CDH22: variants seen among roughly 807,000 people sequenced by gnomAD.
The protein encoded by CDH22 is cadherin 22.
A neutral mutation model predicts 58.4 loss-of-function variants in CDH22; 30 were observed. The observed-to-expected ratio is 0.51, with a 90% CI of 0.38 to 0.70. CDH22 has a LOEUF of 0.70. Among genes scored for constraint, CDH22 ranks in the 30% least tolerant of loss-of-function variants. The pLI is 0.00. For missense variants in CDH22, 1,014 were observed against 1,233.9 expected, an observed-to-expected ratio of 0.82 and a Z score of 2.67; for synonymous variants, 513 against 558.2, an observed-to-expected ratio of 0.92 and a Z score of 1.14.
At chr20:46,194,618 G>A (rs1178287086) in intron 8 of CDH22, among the ~76,000 whole-genome samples, 6 of 152,184 alleles carry the variant, frequency 3.9e-5, no homozygotes, top group East Asian at 1.9e-4. Flanking sequence ...AGGCACCTGC[G>A]CTAGGCACTT....
In CDH22 at chr20:46,251,161, G is replaced by A. The variant is rs1006550151; in HGVS notation, c.134C>T (p.Ser45Leu). Residue 45 changes from serine to leucine, a missense_variant, in exon 2 of 12, where the codon TCG becomes TTG. Coordinates refer to ENST00000537909, the MANE Select transcript of CDH22 (RefSeq NM_021248.3). This position sits in a 1 kb window ranked among gnomAD's most constrained non-coding sequence, Gnocchi z 6.7. ...RLWAAGTPSPSAPGARQDGAL... is the reference protein window; with the variant it reads ...RLWAAGTPSPLAPGARQDGAL... ...GCCGTCCTGCCGAGCTCCGGGCGCC[G>A]ACGGCGAGGGTGTGCCCGCTGCCCA... 1 of 1,586,458 alleles carries A rather than the reference G, an allele frequency of 6.3e-7. No homozygotes were observed. Among genetic ancestry groups the A allele is most frequent in the East Asian group, 2.4e-5 (1 of 41,262 alleles).
chr20:46,189,287 A>C (rs1190261767), intron 8 of CDH22, among the ~76,000 whole-genome samples: 2 of 152,188 alleles, frequency 1.3e-5, no homozygotes, highest in African/African-American at 4.8e-5. Context: ...GTGACTGGGA[A>C]TGCCGGGTGA....
At chr20:46,292,611 T>C (rs892124859) in intron 1 of CDH22, among the ~76,000 whole-genome samples, 5 of 152,182 alleles carry the variant, frequency 3.3e-5, no homozygotes, top group Non-Finnish European at 7.3e-5. Flanking sequence ...AAGTGGCATC[T>C]TGGGCAAGTC....
chr20:46,237,774 G>C (rs1040914460), intron 3 of CDH22, among the ~76,000 whole-genome samples: 1 of 152,124 alleles, frequency 6.6e-6, no homozygotes, highest in African/African-American at 2.4e-5. Flanking sequence ...CTCTCTGCAT[G>C]ACCTTGGATG....
chr20:46,201,093 C>A (rs896507513), intron 7 of CDH22, among the ~76,000 whole-genome samples: 1 of 152,250 alleles, frequency 6.6e-6, no homozygotes, highest in African/African-American at 2.4e-5. Context: ...CGGCGGCGGC[C>A]CAGAGAGGCC....
intron 3 of CDH22, among the ~76,000 whole-genome samples, chr20:46,231,506 A>G (rs2086220540): frequency 6.6e-6 from 1 of 152,146 alleles, no homozygotes; most frequent in African/African-American, 2.4e-5. Context: ...CCCTCACTGA[A>G]CTGATGAGGA....
chr20:46,199,135 A>G (rs1002008086), intron 8 of CDH22, among the ~76,000 whole-genome samples: 2 of 152,206 alleles, frequency 1.3e-5, no homozygotes, highest in African/African-American at 4.8e-5. Context: ...AAGAAAGCCT[A>G]GTTTGAGACC....
At chr20:46,200,217 G>A (rs532864970) in intron 7 of CDH22, among the ~76,000 whole-genome samples, 5 of 152,004 alleles carry the variant, frequency 3.3e-5, no homozygotes, top group Non-Finnish European at 5.9e-5. Context: ...CTCGTGATCT[G>A]CCCGCCTTGG....
At chr20:46,217,655 C>T (rs1017105407) in intron 4 of CDH22, among the ~76,000 whole-genome samples, 1 of 152,156 alleles carries the variant, frequency 6.6e-6, no homozygotes, top group Non-Finnish European at 1.5e-5. Context: ...CTCAGATACA[C>T]TCACACATCC....
At chr20:46,297,430 T>G (rs1422573340) in intron 1 of CDH22, among the ~76,000 whole-genome samples, 8 of 132,482 alleles carry the variant, frequency 6.0e-5, no homozygotes, top group African/African-American at 1.7e-4. Context: ...CCAGGAAGGG[T>G]GGGGGGCTCC....
chr20:46,236,768 G>A lies in CDH22; in HGVS notation c.550+4195C>T, dbSNP rs118034127. 7.6e-3 allele frequency among the ~76,000 whole-genome samples: 1,152 copies of A among 151,150 alleles called. 19 individuals are homozygous for A. Among genetic ancestry groups the A allele is most frequent in the Admixed American group, 0.027 (402 of 15,122 alleles). On this transcript the variant is annotated intron_variant, in intron 3 of 11. Coordinates refer to ENST00000537909, the MANE Select transcript of CDH22 (RefSeq NM_021248.3). The stretch of plus-strand genomic sequence containing the variant: ...GTGCAGTGGCATGATCTCTGCTCAC[G>A]GCAATCTCTGCCTCCCCAGTTCAAG...
intron 2 of CDH22, among the ~76,000 whole-genome samples, chr20:46,243,870 A>G (rs1235350550): frequency 6.6e-6 from 1 of 152,164 alleles, no homozygotes; most frequent in Non-Finnish European, 1.5e-5. Context: ...TATCATTCCC[A>G]TTTCTCAGGT....
At chr20:46,304,223 T>C (rs1303043099) in intron 1 of CDH22, among the ~76,000 whole-genome samples, 1 of 152,130 alleles carries the variant, frequency 6.6e-6, no homozygotes, top group Non-Finnish European at 1.5e-5. Context: ...TGAGATCATG[T>C]GCAAAACCAA....
intron 8 of CDH22, among the ~76,000 whole-genome samples, chr20:46,193,841 G>C (rs1157265476): frequency 6.6e-6 from 1 of 151,980 alleles, no homozygotes; most frequent in African/African-American, 2.4e-5. Context: ...AAACTTCCTT[G>C]GCCTTTGAAA....
Position 46,210,119 on chromosome 20 carries a change from T to G in CDH22, c.1286+188A>C. 1 of 528,286 alleles carries G rather than the reference T, an allele frequency of 1.9e-6. No homozygotes were observed. Among genetic ancestry groups the G allele is most frequent in the Non-Finnish European group, 3.1e-6 (1 of 320,310 alleles). The allele number at this position is 528,286 out of a possible 1,614,324, so 32.7% of individuals were successfully genotyped here. A position where few individuals can be genotyped will look rare whatever the true frequency, so the allele number is the denominator to read the frequency against. On this transcript the variant is annotated intron_variant, in intron 7 of 11. Coordinates refer to ENST00000537909, the MANE Select transcript of CDH22 (RefSeq NM_021248.3). This position sits in a 1 kb window ranked among gnomAD's most constrained non-coding sequence, Gnocchi z 4.5. ...CTCATTGACTGTTCTCACATCTGCT[T>G]CCTTGGCTCTTTGGCTCCGTGCCTG...
intron 7 of CDH22, among the ~76,000 whole-genome samples, chr20:46,204,410 A>T (rs2085984250): frequency 6.6e-6 from 1 of 151,216 alleles, no homozygotes; most frequent in East Asian, 1.9e-4. Context: ...AAAAAAAAAA[A>T]AAAAAAAAGA....
At chr20:46,185,083 C>CACAAACAA (rs2085814748) in intron 10 of CDH22, among the ~76,000 whole-genome samples, 2 of 84,708 alleles carry the variant, frequency 2.4e-5, no homozygotes, top group African/African-American at 4.6e-5. Flanking sequence ...GAGATGCTGT[C>CACAAACAA]TCAAACAAAC....
At chr20:46,291,689 A>G (rs957077354) in intron 1 of CDH22, among the ~76,000 whole-genome samples, 3 of 152,242 alleles carry the variant, frequency 2.0e-5, no homozygotes, top group Non-Finnish European at 4.4e-5. Context: ...CAACACAGCC[A>G]GGTCTGCCTG....
chr20:46,250,268 TG>T (rs140374153), intron 2 of CDH22, among the ~76,000 whole-genome samples: 1 of 152,354 alleles, frequency 6.6e-6, no homozygotes, highest in African/African-American at 2.4e-5. Flanking sequence ...TGCTAGGCAC[TG>T]GGGATTTCGC....
Sources: gnomAD v4.1 joint callset for allele counts (sites outside exome capture counted in the v4.1 genomes callset) on GRCh38, gnomAD v4.1.1 for gene constraint, Gnocchi (gnomAD v3.1) non-coding constraint, MANE v1.5 for transcripts, NCBI Gene and HGNC (gene_info 2026-07-23, HGNC 2026-07-21) for gene names.